FMN1: variants seen among roughly 807,000 people sequenced by gnomAD.
FMN1 encodes the protein formin-1.
Under a neutral mutation model 132.4 loss-of-function variants are expected in FMN1, and 110 were observed. The observed-to-expected ratio is 0.83, with a 90% CI of 0.71 to 0.97. The LOEUF (loss-of-function observed/expected upper bound fraction) is 0.97, where lower values mean the gene tolerates loss of function less well. Ranked by LOEUF, FMN1 falls within the 50% of genes least tolerant of loss-of-function variation. The pLI, the probability that FMN1 is intolerant of heterozygous loss-of-function variation, is 0.00. For missense variants in FMN1, 1,792 were observed against 1,705.3 expected, an observed-to-expected ratio of 1.05 and a Z score of -0.90; for synonymous variants, 722 against 651.7, an observed-to-expected ratio of 1.11 and a Z score of -1.64.
At chr15:32,811,518 G>A (rs1021420646) in intron 17 of FMN1, among the ~76,000 whole-genome samples, 1 of 150,956 alleles carries the variant, frequency 6.6e-6, no homozygotes, top group African/African-American at 2.5e-5. Context: ...CTCTGAAGAG[G>A]TCTTCAGAGT....
chr15:33,133,993 T>C (rs929402792), intron 4 of FMN1, among the ~76,000 whole-genome samples: 3 of 152,134 alleles, frequency 2.0e-5, no homozygotes, highest in Non-Finnish European at 2.9e-5. Context: ...GGTCTCACTC[T>C]CCCAGGCTGG....
chr15:33,148,837 C>A (rs1462821218), intron 4 of FMN1, among the ~76,000 whole-genome samples: 1 of 152,086 alleles, frequency 6.6e-6, no homozygotes, highest in East Asian at 1.9e-4. Context: ...TTGAGCATGG[C>A]TTTTACAGGT....
intron 4 of FMN1, among the ~76,000 whole-genome samples, chr15:33,098,858 T>C (rs1453541158): frequency 6.6e-6 from 1 of 152,148 alleles, no homozygotes; most frequent in African/African-American, 2.4e-5. Flanking sequence ...CCTTCAGGCC[T>C]AAGGTTGGTA....
chr15:32,899,779 T>C lies in FMN1; in HGVS notation c.3654+200A>G, dbSNP rs374376067. ...GAATTGAGTAATTGAAAATAAAGTC[T>C]AACGTGAAAAAAAAAAACCAAACAA... On this transcript the variant is annotated intron_variant, in intron 14 of 20. Transcript: ENST00000616417. 8.7e-6 allele frequency: 5 copies of C among 571,696 alleles called. 1 individual carries two copies. The African/African-American group carries it at 1.6e-4, about 19-fold the overall frequency. The allele number at this position is 571,696 out of a possible 1,614,324, so 35.4% of individuals were successfully genotyped here.
intron 17 of FMN1, among the ~76,000 whole-genome samples, chr15:32,830,581 A>T (rs2141155633): frequency 6.6e-6 from 1 of 152,298 alleles, no homozygotes; most frequent in East Asian, 1.9e-4. Flanking sequence ...CTGCATGGTA[A>T]GTAAAGAGGA....
chr15:32,995,106 ATATATATG>A (rs1304309649), intron 7 of FMN1, among the ~76,000 whole-genome samples: 2 of 152,106 alleles, frequency 1.3e-5, no homozygotes, highest in Non-Finnish European at 2.9e-5. Context: ...AAGCATATAT[ATATATATG>A]TATATATGCA....
intron 3 of FMN1, among the ~76,000 whole-genome samples, chr15:33,160,028 G>C (rs936766761): frequency 3.9e-5 from 6 of 152,326 alleles, no homozygotes; most frequent in East Asian, 1.9e-4. Context: ...TTTCTAGTTA[G>C]AGGACTGAAA....
At chr15:32,865,808 C>T (rs974563034) in intron 16 of FMN1, among the ~76,000 whole-genome samples, 3 of 148,798 alleles carry the variant, frequency 2.0e-5, no homozygotes, top group African/African-American at 7.5e-5. Context: ...TGCACTCCAG[C>T]CTGGGCAACA....
At chr15:33,126,614 G>A (rs1279367434) in intron 4 of FMN1, among the ~76,000 whole-genome samples, 1 of 110,704 alleles carries the variant, frequency 9.0e-6, no homozygotes, top group Non-Finnish European at 2.1e-5. Context: ...AAGAAAGGAA[G>A]CAGCAGGAAA....
chr15:33,009,383 C>T (rs1029210884), intron 6 of FMN1, among the ~76,000 whole-genome samples: 11 of 152,122 alleles, frequency 7.2e-5, no homozygotes, highest in African/African-American at 1.7e-4. Flanking sequence ...TGGTTTTTCA[C>T]GCAATTAGAG....
At chr15:32,805,940 T>C (rs922504184) in intron 17 of FMN1, among the ~76,000 whole-genome samples, 22 of 152,220 alleles carry the variant, frequency 1.4e-4, no homozygotes, top group Non-Finnish European at 1.5e-5. Context: ...TAAGAACCTA[T>C]GTTCTTTCTA....
At chr15:33,113,818 C>A (rs910496512) in intron 4 of FMN1, among the ~76,000 whole-genome samples, 1 of 152,166 alleles carries the variant, frequency 6.6e-6, no homozygotes, top group Non-Finnish European at 1.5e-5. Context: ...AGCTGAGGCC[C>A]CTGAGGTACC....
At chr15:32,845,976 C>T (rs1395860162) in intron 17 of FMN1, among the ~76,000 whole-genome samples, 1 of 151,046 alleles carries the variant, frequency 6.6e-6, no homozygotes, top group Non-Finnish European at 1.5e-5. Context: ...AAAAAAGGCC[C>T]CAAGAACTTA....
rs753118665 is a variant in FMN1 at position 32,964,048 on chromosome 15, C to CACACAT, written c.3138+58_3138+59insATGTGT. 262 of 1,124,460 alleles carry CACACAT rather than the reference C, an allele frequency of 2.3e-4. No homozygotes were observed. In the African/African-American group the frequency reaches 2.9e-3, roughly 13 times the overall value. 69.7% of individuals were successfully genotyped at this position (1,124,460 alleles called of 1,614,324 possible). ...ACACACACACACACACACACACACACATATATACCATTTCCCTGTATAATA... is the reference window on the plus strand; with the variant it reads ...ACACACACACACACACACACACACACACACATATATATACCATTTCCCTGTATAATA... On this transcript the variant is annotated intron_variant, in intron 9 of 20. Transcript: ENST00000616417.
chr15:33,047,141 T>C (rs1352611737), intron 6 of FMN1, among the ~76,000 whole-genome samples: 2 of 152,246 alleles, frequency 1.3e-5, no homozygotes, highest in Non-Finnish European at 1.5e-5. Context: ...ATGAGTACTT[T>C]CTGGTTAATG....
At chr15:32,855,918 G>A (rs367588758) in intron 17 of FMN1, among the ~76,000 whole-genome samples, 1 of 151,824 alleles carries the variant, frequency 6.6e-6, no homozygotes, top group East Asian at 1.9e-4. Context: ...TTGCTCTCAA[G>A]ATGGTACTTT....
chr15:33,120,891 A>C (rs1487336073), intron 4 of FMN1, among the ~76,000 whole-genome samples: 5 of 152,124 alleles, frequency 3.3e-5, no homozygotes, highest in Non-Finnish European at 7.4e-5. Flanking sequence ...TCTTCTGAAA[A>C]TATACCTGTT....
At chr15:32,899,783 GT>G (rs1358821667) in intron 14 of FMN1, 195 bp downstream of exon 14, 4 of 553,092 alleles carry the variant, frequency 7.2e-6, no homozygotes, top group Non-Finnish European at 1.2e-5. Context: ...AAAGTCTAAC[GT>G]GAAAAAAAAA....
In FMN1 at chr15:32,790,796, C is replaced by T. The variant is rs988530737; in HGVS notation, c.4130+8008G>A. 7.9e-5 allele frequency among the ~76,000 whole-genome samples: 12 copies of T among 152,300 alleles called. No homozygotes were observed. The South Asian group carries it at 1.4e-3, about 18-fold the overall frequency. ...AATGCTCTTTCAATATCCAGCTGTG[C>T]GCTGGAGAATGCACCATACAAGACA... On this transcript the variant is annotated intron_variant, in intron 19 of 20. Transcript: ENST00000616417.
Sources: allele counts gnomAD v4.1 joint callset (sites outside exome capture counted in the v4.1 genomes callset), GRCh38; gene constraint gnomAD v4.1.1; transcripts MANE v1.5; gene names NCBI Gene and HGNC (gene_info 2026-07-23, HGNC 2026-07-21).